The following NET1 variants were observed in gnomAD, a reference collection of about 807,000 sequenced individuals.
NET1 encodes neuroepithelial cell-transforming gene 1 protein.
In NET1, 42 loss-of-function variants were observed where a neutral mutation model predicts 61.1. That is an observed-to-expected ratio of 0.69 (90% CI 0.54 to 0.89). NET1 has a LOEUF of 0.89. NET1 is among the 40% of genes least tolerant of loss of function. The probability of loss-of-function intolerance (pLI) is 0.00; values close to 1 mark genes in which losing one functional copy is unlikely to be tolerated. For synonymous variants in NET1, 254 were observed against 281.8 expected (o/e 0.90, Z 0.99); for missense variants, 654 against 747.3 (o/e 0.88, Z 1.46).
Position 5,416,714 on chromosome 10 carries a change from G to A in NET1, c.128+3894G>A, listed in dbSNP as rs528362806. 4.6e-5 allele frequency among the ~76,000 whole-genome samples: 7 copies of A among 152,248 alleles called. No individual in the cohort carries two copies. The East Asian group carries it at 9.7e-4, about 21-fold the overall frequency. On this transcript the variant is annotated intron_variant, in intron 1 of 11. Transcript: ENST00000355029. The surrounding 1 kb of genome is among the most constrained non-coding windows in gnomAD (Gnocchi z 6.1). Reference sequence around the variant, plus strand: ...AGTTCCCTTTTCCCCCTCGCAGGGCGTGCACTGGAGGTGTGCTCGCTTCTT... The same window carrying A: ...AGTTCCCTTTTCCCCCTCGCAGGGCATGCACTGGAGGTGTGCTCGCTTCTT...
At position 5,452,719 on chromosome 10, in the gene NET1, G is replaced by T; in HGVS notation, c.532-139G>T. ...AAACATACGGCAACCTTGTATTTGA[G>T]ATTCCATTCTGAATTACAATTTTCA... On this transcript the variant is annotated intron_variant, in intron 5 of 11. Coordinates refer to ENST00000355029, the MANE Select transcript of NET1 (RefSeq NM_001047160.3). This position sits in a 1 kb window ranked among gnomAD's most constrained non-coding sequence, Gnocchi z 4.0. 1 of 945,056 alleles carries T rather than the reference G, an allele frequency of 1.1e-6. No homozygotes were observed. Among genetic ancestry groups the T allele is most frequent in the East Asian group, 2.6e-5 (1 of 38,800 alleles). The allele number at this position is 945,056 out of a possible 1,614,324, so 58.5% of individuals were successfully genotyped here.
chr10:5,426,268 G>A lies in NET1; in HGVS notation c.129-387G>A, dbSNP rs897770947. On this transcript the variant is annotated intron_variant, in intron 1 of 11. Transcript: ENST00000355029. The surrounding 1 kb of genome is among the most constrained non-coding windows in gnomAD (Gnocchi z 4.6). ...ATTTTTGTTTTTTAAAATACTATAC[G>A]TGAATATGTTGCTAAATTTTTTGCA... Among the ~76,000 whole-genome samples the A allele has an allele frequency of 5.3e-5, 8 of 152,096 alleles. No individual in the cohort carries two copies. Among genetic ancestry groups the A allele is most frequent in the African/African-American group, 1.7e-4 (7 of 41,432 alleles).
intron 3 of NET1, among the ~76,000 whole-genome samples, chr10:5,438,354 G>GA (rs1397091805): frequency 6.6e-6 from 1 of 151,886 alleles, no homozygotes; most frequent in African/African-American, 2.4e-5. Flanking sequence ...GGTAGACTAA[G>GA]AAAAAAAGAG....
At chr10:5,428,725 GTTT>G (rs111559000) in intron 2 of NET1, among the ~76,000 whole-genome samples, 1 of 138,196 alleles carries the variant, frequency 7.2e-6, no homozygotes. Context: ...AATTTTCTTT[GTTT>G]TTTTTTTTTT....
chr10:5,416,318 T>C lies in NET1; in HGVS notation c.128+3498T>C, dbSNP rs1427174942. Among the ~76,000 whole-genome samples, 2 of 152,228 alleles carry C rather than the reference T, an allele frequency of 1.3e-5. No individual in the cohort carries two copies. Among genetic ancestry groups the C allele is most frequent in the African/African-American group, 4.8e-5 (2 of 41,456 alleles). ...TTGCTTTGTATAGTAAGTTTTGAAA[T>C]TGGGATATGTGAGTCCTCCTACTTT... On this transcript the variant is annotated intron_variant, in intron 1 of 11. Coordinates refer to ENST00000355029, the MANE Select transcript of NET1 (RefSeq NM_001047160.3). This position sits in a 1 kb window ranked among gnomAD's most constrained non-coding sequence, Gnocchi z 6.1.
intron 3 of NET1, among the ~76,000 whole-genome samples, chr10:5,450,594 T>C (rs181291182): frequency 1.2e-4 from 18 of 152,260 alleles, no homozygotes; most frequent in Admixed American, 9.8e-4. Flanking sequence ...TTTTAAATGA[T>C]GTCTTATTTT....
rs1344401095 is a variant in NET1, at chr10:5,431,895, C to T, written c.255+2666C>T. ...CTGGGATTACAGGCATGAGCCACCA[C>T]GCCTGGCCTCATTTCAGTTATTCTT... On this transcript the variant is annotated intron_variant, in intron 3 of 11. Coordinates refer to ENST00000355029, the MANE Select transcript of NET1 (RefSeq NM_001047160.3). The surrounding 1 kb of genome is among the most constrained non-coding windows in gnomAD (Gnocchi z 4.9). Among the ~76,000 whole-genome samples the T allele has an allele frequency of 2.6e-5, 4 of 152,192 alleles. No homozygotes were observed. Among genetic ancestry groups the T allele is most frequent in the Admixed American group, 6.5e-5 (1 of 15,288 alleles).
chr10:5,433,230 T>C (rs531813658), intron 3 of NET1, among the ~76,000 whole-genome samples: 32 of 152,326 alleles, frequency 2.1e-4, no homozygotes, highest in African/African-American at 7.0e-4. Context: ...CCAGTCCTCA[T>C]GTTGAGTCCT....
intron 1 of NET1, among the ~76,000 whole-genome samples, chr10:5,425,103 G>A (rs757026301): frequency 6.6e-6 from 1 of 152,130 alleles, no homozygotes; most frequent in Non-Finnish European, 1.5e-5. Flanking sequence ...TTTCCAGAAT[G>A]TAACTCATTT....
In NET1 at chr10:5,437,709, G is replaced by A. The variant is rs1832459461; in HGVS notation, c.255+8480G>A. 6.6e-6 allele frequency among the ~76,000 whole-genome samples: 1 copy of A among 151,562 alleles called. No homozygotes were observed. The highest frequency in any genetic ancestry group is 2.1e-4 in the South Asian group (1 of 4,808). On this transcript the variant is annotated intron_variant, in intron 3 of 11. Transcript: ENST00000355029. The surrounding 1 kb of genome is among the most constrained non-coding windows in gnomAD (Gnocchi z 4.3). ...AACTATTGGGATAGATAACCTGACA[G>A]GAAATCAATAAGGAAGTAGAAGACT...
chr10:5,425,841 A>G (rs1257094709), intron 1 of NET1, among the ~76,000 whole-genome samples: 2 of 152,228 alleles, frequency 1.3e-5, no homozygotes, highest in East Asian at 1.9e-4. Flanking sequence ...TAATGTGTTC[A>G]TTCTACATTT....
rs79905899 is a variant in NET1, at chr10:5,447,778, C to G, written c.256-4052C>G. Among the ~76,000 whole-genome samples, 6,809 of 152,210 alleles carry G rather than the reference C, an allele frequency of 0.045. 208 individuals carry two copies. The highest frequency in any genetic ancestry group is 0.15 in the South Asian group (741 of 4,816). On this transcript the variant is annotated intron_variant, in intron 3 of 11. Coordinates refer to ENST00000355029, the MANE Select transcript of NET1 (RefSeq NM_001047160.3). This position sits in a 1 kb window ranked among gnomAD's most constrained non-coding sequence, Gnocchi z 4.1. ...GTGTGGTTTGGCTTTGGTTTTTGTT[C>G]TTGGTTTTGGTCTTTGCCTATGTGT...
In NET1 at chr10:5,437,968, GTA is replaced by G. The variant is rs1234380210; in HGVS notation, c.255+8741_255+8742del. 6.6e-6 allele frequency among the ~76,000 whole-genome samples: 1 copy of G among 152,110 alleles called. No individual in the cohort carries two copies. The highest frequency in any genetic ancestry group is 1.5e-5 in the Non-Finnish European group (1 of 68,022). On this transcript the variant is annotated intron_variant, in intron 3 of 11. Coordinates refer to ENST00000355029, the MANE Select transcript of NET1 (RefSeq NM_001047160.3). This position sits in a 1 kb window ranked among gnomAD's most constrained non-coding sequence, Gnocchi z 4.3. ...AAAAGGAAATCTAAAAAATTTATAAGTATGTGGAAATTAAACAACACATTATT... is the reference window on the plus strand; with the variant it reads ...AAAAGGAAATCTAAAAAATTTATAAGTGTGGAAATTAAACAACACATTATT...
In NET1 at chr10:5,446,665, C is replaced by T; in HGVS notation, c.256-5165C>T. On this transcript the variant is annotated intron_variant, in intron 3 of 11. Coordinates refer to ENST00000355029, the MANE Select transcript of NET1 (RefSeq NM_001047160.3). The surrounding 1 kb of genome is among the most constrained non-coding windows in gnomAD (Gnocchi z 5.0). ...TGGGCACGTGGCTGCCGAGGGTGGCCGAGCTCTGGGAAGAAAAGCCCGTGT... is the reference window on the plus strand; with the variant it reads ...TGGGCACGTGGCTGCCGAGGGTGGCTGAGCTCTGGGAAGAAAAGCCCGTGT... 2.3e-6 allele frequency: 3 copies of T among 1,332,490 alleles called. No homozygotes were observed. The highest frequency in any genetic ancestry group is 2.9e-6 in the Non-Finnish European group (3 of 1,033,368). 82.5% of individuals were successfully genotyped at this position (1,332,490 alleles called of 1,614,324 possible).
chr10:5,420,708 T>G lies in NET1; in HGVS notation c.129-5947T>G, dbSNP rs949097588. ...ACTCCCTGGTTCAAGTGATCCTCCTTCCTCAGCCTCCCGAGTAACTGGGAT... is the reference window on the plus strand; with the variant it reads ...ACTCCCTGGTTCAAGTGATCCTCCTGCCTCAGCCTCCCGAGTAACTGGGAT... On this transcript the variant is annotated intron_variant, in intron 1 of 11. Coordinates refer to ENST00000355029, the MANE Select transcript of NET1 (RefSeq NM_001047160.3). This position sits in a 1 kb window ranked among gnomAD's most constrained non-coding sequence, Gnocchi z 5.3. Among the ~76,000 whole-genome samples the G allele has an allele frequency of 1.3e-5, 2 of 152,088 alleles. No homozygotes were observed. The highest frequency in any genetic ancestry group is 2.9e-5 in the Non-Finnish European group (2 of 67,990).
chr10:5,455,967 TAG>T lies in NET1; in HGVS notation c.1198-114_1198-113del, dbSNP rs892559559. On this transcript the variant is annotated intron_variant, in intron 10 of 11. Coordinates refer to ENST00000355029, the MANE Select transcript of NET1 (RefSeq NM_001047160.3). The surrounding 1 kb of genome is among the most constrained non-coding windows in gnomAD (Gnocchi z 6.5). ...TTTATGGATTACTAGATTTGTCACT[TAG>T]AGAGATCTTCGAAAAATAAATCTGA... The T allele has an allele frequency of 7.0e-6, 7 of 1,004,114 alleles. No individual in the cohort carries two copies. The African/African-American group carries it at 1.1e-4, about 16-fold the overall frequency. The allele number at this position is 1,004,114 out of a possible 1,614,324, so 62.2% of individuals were successfully genotyped here.
rs1341350816 is a variant in NET1 at position 5,446,944 on chromosome 10, A to G, written c.256-4886A>G. 8.5e-6 allele frequency: 9 copies of G among 1,056,048 alleles called. No individual in the cohort carries two copies. In the African/African-American group the frequency reaches 1.1e-4, roughly 13 times the overall value. 65.4% of individuals were successfully genotyped at this position (1,056,048 alleles called of 1,614,324 possible). On this transcript the variant is annotated intron_variant, in intron 3 of 11. Coordinates refer to ENST00000355029, the MANE Select transcript of NET1 (RefSeq NM_001047160.3). This position sits in a 1 kb window ranked among gnomAD's most constrained non-coding sequence, Gnocchi z 5.0. ...AAATTTTTAACAAGGTATTAACAGTATAATTTTAAACTTTTGATCTTATTA... is the reference window on the plus strand; with the variant it reads ...AAATTTTTAACAAGGTATTAACAGTGTAATTTTAAACTTTTGATCTTATTA...
At position 5,456,789 on chromosome 10, in the gene NET1, C is replaced by G; in HGVS notation, c.1586C>G (p.Ala529Gly). ...GAGTGTGAGGGGAACCACCCCTCTGCGAGGAAACTCACAGCCCAGAGGAGG... is the reference window on the plus strand; with the variant it reads ...GAGTGTGAGGGGAACCACCCCTCTGGGAGGAAACTCACAGCCCAGAGGAGG... ...HEECEGNHPS[A>G]RKLTAQRRAS... The change falls in exon 12 of 12, where the codon GCG becomes GGG. Residue 529 changes from alanine (A) to glycine (G), a missense_variant. Coordinates refer to ENST00000355029, the MANE Select transcript of NET1 (RefSeq NM_001047160.3). This position sits in a 1 kb window ranked among gnomAD's most constrained non-coding sequence, Gnocchi z 7.0. 6.2e-7 allele frequency: 1 copy of G among 1,612,862 alleles called. No homozygotes were observed. The highest frequency in any genetic ancestry group is 8.5e-7 in the Non-Finnish European group (1 of 1,179,348).
Position 5,435,229 on chromosome 10 carries a change from A to G in NET1, c.255+6000A>G, listed in dbSNP as rs1264279733. 6.6e-6 allele frequency among the ~76,000 whole-genome samples: 1 copy of G among 152,188 alleles called. No individual in the cohort carries two copies. Among genetic ancestry groups the G allele is most frequent in the African/African-American group, 2.4e-5 (1 of 41,442 alleles). ...AGGGGAGGAAATGAGGATAAGTGACATTGGGACCTAGGAACATTTGATTTT... is the reference window on the plus strand; with the variant it reads ...AGGGGAGGAAATGAGGATAAGTGACGTTGGGACCTAGGAACATTTGATTTT... On this transcript the variant is annotated intron_variant, in intron 3 of 11. Coordinates refer to ENST00000355029, the MANE Select transcript of NET1 (RefSeq NM_001047160.3). This position sits in a 1 kb window ranked among gnomAD's most constrained non-coding sequence, Gnocchi z 5.0.
Sources: allele counts gnomAD v4.1 joint callset (sites outside exome capture counted in the v4.1 genomes callset), GRCh38; gene constraint gnomAD v4.1.1; non-coding constraint Gnocchi (gnomAD v3.1); transcripts MANE v1.5; gene names NCBI Gene and HGNC (gene_info 2026-07-23, HGNC 2026-07-21).